The following PLEKHA8 variants were observed in gnomAD, a reference collection of about 807,000 sequenced individuals.
PLEKHA8 encodes the protein pleckstrin homology domain containing A8.
A neutral mutation model predicts 68.2 loss-of-function variants in PLEKHA8; 36 were observed. That is an observed-to-expected ratio of 0.53 (90% CI 0.40 to 0.70). The LOEUF (loss-of-function observed/expected upper bound fraction) is 0.70. PLEKHA8 is among the 30% of genes least tolerant of loss of function. The pLI is 0.00. For missense variants in PLEKHA8, 505 were observed against 615.4 expected, an observed-to-expected ratio of 0.82 and a Z score of 1.90; for synonymous variants, 211 against 216.1, an observed-to-expected ratio of 0.98 and a Z score of 0.20.
At chr7:30,052,605 A>G in intron 6 of PLEKHA8, 104 bp from the exon 7 acceptor site, 2 of 982,306 alleles carry the variant, frequency 2.0e-6, no homozygotes, top group Non-Finnish European at 2.9e-6. Flanking sequence ...GTGCCACTGT[A>G]CTGCAGCCTG....
intron 13 of PLEKHA8, among the ~76,000 whole-genome samples, chr7:30,106,781 C>T (rs1012864495): frequency 6.6e-6 from 1 of 152,110 alleles, no homozygotes; most frequent in Non-Finnish European, 1.5e-5. Flanking sequence ...GTTGAATGCA[C>T]GCAAATGAAG....
chr7:30,064,224 T>G (rs1454579040), intron 12 of PLEKHA8, among the ~76,000 whole-genome samples: 2 of 139,952 alleles, frequency 1.4e-5, no homozygotes, highest in South Asian at 2.1e-4. Context: ...ATTAAGTAGG[T>G]GCATGTGCAT....
rs564447913 is a variant in PLEKHA8, at chr7:30,100,019, C to T, written c.1362+25887C>T. On this transcript the variant is annotated intron_variant, in intron 13 of 13. Coordinates refer to the PLEKHA8 transcript ENST00000396257. ...TCCTTCCTTACCTCTTCCTAGCTTC[C>T]GGTGGTTGTCGGCAATCCTAGCATT... 3.9e-4 allele frequency among the ~76,000 whole-genome samples: 59 copies of T among 152,246 alleles called. 1 individual carries two copies. Among genetic ancestry groups the T allele is most frequent in the Middle Eastern group, 3.4e-3 (1 of 294 alleles).
At position 30,031,307 on chromosome 7, in the gene PLEKHA8, C is replaced by T. The variant is rs572297556; in HGVS notation, c.40+2505C>T. Among the ~76,000 whole-genome samples, 5 of 152,172 alleles carry T rather than the reference C, an allele frequency of 3.3e-5. No homozygotes were observed. In the South Asian group the frequency reaches 6.2e-4, roughly 19 times the overall value. ...AGGAGGGAGGGCAGAGAGGCTAGTA[C>T]GGGTTGTTAGAGAAAGCTTCTTTGA... On this transcript the variant is annotated intron_variant, in intron 1 of 13. Coordinates refer to ENST00000449726, the MANE Select transcript of PLEKHA8 (RefSeq NM_001197026.2).
intron 13 of PLEKHA8, among the ~76,000 whole-genome samples, chr7:30,098,528 A>G (rs1021560325): frequency 2.0e-4 from 30 of 152,232 alleles, no homozygotes; most frequent in African/African-American, 6.8e-4. Flanking sequence ...TAACTCGGCA[A>G]TGGCAGGTGC....
intron 8 of PLEKHA8, 96 bp downstream of exon 8, chr7:30,054,961 G>C: frequency 8.1e-7 from 1 of 1,228,064 alleles, no homozygotes; most frequent in Non-Finnish European, 1.1e-6. Flanking sequence ...GCATATTCTA[G>C]GAGAATAGAG....
chr7:30,095,299 G>GT (rs1483923481), downstream of PLEKHA8, among the ~76,000 whole-genome samples: 8 of 152,188 alleles, frequency 5.3e-5, 1 homozygote, highest in Non-Finnish European at 8.8e-5. Context: ...TTTTTCATGT[G>GT]TTTTTTGGCT....
intron 13 of PLEKHA8, among the ~76,000 whole-genome samples, chr7:30,122,959 A>C (rs1796717668): frequency 1.3e-5 from 2 of 152,190 alleles, no homozygotes; most frequent in African/African-American, 4.8e-5. Flanking sequence ...AGCTATCATG[A>C]AACCCACTCC....
rs578082660 is a variant in PLEKHA8, at chr7:30,108,631, CTA to C, written c.1363-20633_1363-20632del. Among the ~76,000 whole-genome samples, 848 of 152,126 alleles carry C rather than the reference CTA, an allele frequency of 5.6e-3. 4 individuals are homozygous for C. Among genetic ancestry groups the C allele is most frequent in the South Asian group, 0.013 (65 of 4,822 alleles). On this transcript the variant is annotated intron_variant, in intron 13 of 13. Transcript: ENST00000396257. ...ATATTTCTAAGAAACTGCAGTTTGT[CTA>C]TGTTTTCAGTTTATTGATTATGGGT... is the stretch of plus-strand genomic sequence containing the variant.
intron 1 of PLEKHA8, among the ~76,000 whole-genome samples, chr7:30,043,006 T>TTTTGTTTGTTTGTTTGTTTGTTTGTTTG (rs139576666): frequency 1.3e-5 from 2 of 151,762 alleles, no homozygotes; most frequent in African/African-American, 4.8e-5. Context: ...GCATCACCTT[T>TTTTGTTTGTTTGTTTGTTTGTTTGTTTG]TTTGTTTGTT....
Position 30,083,728 on chromosome 7 carries a change from T to C in PLEKHA8, c.*4941T>C, listed in dbSNP as rs757057421. 1.2e-4 allele frequency: 118 copies of C among 985,170 alleles called. No homozygotes were observed. The highest frequency in any genetic ancestry group is 1.4e-4 in the Non-Finnish European group (114 of 829,794). 61.0% of individuals were successfully genotyped at this position (985,170 alleles called of 1,614,324 possible). On this transcript the variant is annotated 3_prime_UTR_variant, in exon 14 of 14. Transcript: ENST00000449726. The stretch of plus-strand genomic sequence containing the variant: ...TCACTTCTGTTCCAGAGTGAACAAA[T>C]GTTTTCAGCTAAGCTATGTGAGAAT...
chr7:30,065,762 T>G (rs1012645687), intron 12 of PLEKHA8, among the ~76,000 whole-genome samples: 1 of 152,222 alleles, frequency 6.6e-6, no homozygotes, highest in Non-Finnish European at 1.5e-5. Context: ...TTGATAAATA[T>G]TTTATTTAAT....
chr7:30,032,551 C>T (rs1790746124), intron 1 of PLEKHA8, among the ~76,000 whole-genome samples: 1 of 152,170 alleles, frequency 6.6e-6, no homozygotes, highest in Non-Finnish European at 1.5e-5. Context: ...GTCACACAGC[C>T]ACTTATTAAG....
chr7:30,041,419 A>ATTTTTT, intron 1 of PLEKHA8, among the ~76,000 whole-genome samples: 1 of 120,190 alleles, frequency 8.3e-6, no homozygotes, highest in East Asian at 2.6e-4. Context: ...TACCAGCTAC[A>ATTTTTT]TTTTTTTTTT....
chr7:30,118,640 C>T (rs532320154), intron 13 of PLEKHA8, among the ~76,000 whole-genome samples: 238 of 151,642 alleles, frequency 1.6e-3, no homozygotes, highest in African/African-American at 5.4e-3. Flanking sequence ...TGCAGTGGCG[C>T]GATCTCGGCT....
At chr7:30,033,534 TGAA>T (rs1790820032) in intron 1 of PLEKHA8, among the ~76,000 whole-genome samples, 1 of 152,258 alleles carries the variant, frequency 6.6e-6, no homozygotes, top group African/African-American at 2.4e-5. Context: ...CATTTTCAGT[TGAA>T]GAACATTTGG....
At chr7:30,076,558 C>T (rs999628168) in intron 13 of PLEKHA8, among the ~76,000 whole-genome samples, 2 of 152,074 alleles carry the variant, frequency 1.3e-5, no homozygotes, top group Non-Finnish European at 1.5e-5. Context: ...AGATAGATTC[C>T]ATTATTTTCC....
At chr7:30,034,241 T>C (rs1790890354) in intron 1 of PLEKHA8, among the ~76,000 whole-genome samples, 1 of 151,906 alleles carries the variant, frequency 6.6e-6, no homozygotes, top group Non-Finnish European at 1.5e-5. Context: ...ACTCCTGACC[T>C]CAGGTGATCC....
At chr7:30,093,141 A>G (rs554804102), downstream of PLEKHA8, among the ~76,000 whole-genome samples, 6 of 152,308 alleles carry the variant, frequency 3.9e-5, no homozygotes, top group African/African-American at 1.2e-4. Context: ...AAACATGCCT[A>G]AACTGGGGCC....
Sources: gnomAD v4.1 joint callset for allele counts (sites outside exome capture counted in the v4.1 genomes callset) on GRCh38, gnomAD v4.1.1 for gene constraint, MANE v1.5 for transcripts, NCBI Gene and HGNC (gene_info 2026-07-23, HGNC 2026-07-21) for gene names.